The following HMBOX1 variants were observed in gnomAD, a reference collection of about 807,000 sequenced individuals.
HMBOX1 encodes homeobox containing 1.
Under a neutral mutation model 54.5 loss-of-function variants are expected in HMBOX1, and 14 were observed. The observed-to-expected ratio is 0.26, with a 90% CI of 0.17 to 0.40. HMBOX1 has a LOEUF of 0.40. Among genes scored for constraint, HMBOX1 ranks in the 10% least tolerant of loss-of-function variants. The probability of loss-of-function intolerance (pLI) is 1.00; values close to 1 mark genes in which losing one functional copy is unlikely to be tolerated. For synonymous variants in HMBOX1, 160 were observed against 181.0 expected, an observed-to-expected ratio of 0.88 and a Z score of 0.93; for missense variants, 332 against 514.4, an observed-to-expected ratio of 0.65 and a Z score of 3.43.
intron 1 of HMBOX1, among the ~76,000 whole-genome samples, chr8:28,916,352 C>A (rs967795532): frequency 6.6e-6 from 1 of 152,156 alleles, no homozygotes; most frequent in Non-Finnish European, 1.5e-5. Context: ...TCAGGAATTA[C>A]CCATGGGATA....
rs143598204 is a variant in HMBOX1, at chr8:28,914,413, T to A, written c.-58+23735T>A. Among the ~76,000 whole-genome samples, 5 of 152,326 alleles carry A rather than the reference T, an allele frequency of 3.3e-5. No individual in the cohort carries two copies. The East Asian group carries it at 9.6e-4, about 29-fold the overall frequency. On this transcript the variant is annotated intron_variant, in intron 1 of 9. Coordinates refer to ENST00000287701, the MANE Select transcript of HMBOX1 (RefSeq NM_001135726.3). ...AATAGATACCCCATCTATTAAAGAA[T>A]GGCCAGTGGGAAATTTAACATACTA...
intron 1 of HMBOX1, among the ~76,000 whole-genome samples, chr8:28,945,450 AT>A (rs1336486825): frequency 8.5e-5 from 13 of 152,372 alleles, no homozygotes; most frequent in African/African-American, 3.1e-4. Flanking sequence ...TTTGTTAACT[AT>A]GTATAACAAG....
At chr8:28,922,657 A>T (rs1331114400) in intron 1 of HMBOX1, among the ~76,000 whole-genome samples, 2 of 152,204 alleles carry the variant, frequency 1.3e-5, no homozygotes, top group African/African-American at 4.8e-5. Flanking sequence ...ACCTCTAGTT[A>T]ACTCACCAGG....
At chr8:29,033,137 C>G (rs773560064) in intron 6 of HMBOX1, among the ~76,000 whole-genome samples, 1 of 152,098 alleles carries the variant, frequency 6.6e-6, no homozygotes, top group Non-Finnish European at 1.5e-5. Context: ...ACTCTGCCCT[C>G]CCTTAGGCTG....
In HMBOX1 at chr8:28,903,556, G is replaced by A. The variant is rs73554882; in HGVS notation, c.-58+12878G>A. On this transcript the variant is annotated intron_variant, in intron 1 of 9. Transcript: ENST00000287701. ...GCTCCAACCTCCTCAATAATCCTGT[G>A]CTTCTGTCTTGATCTCAGCAAAAGA... is the stretch of plus-strand genomic sequence containing the variant. 1.7e-3 allele frequency among the ~76,000 whole-genome samples: 251 copies of A among 151,692 alleles called. 1 individual carries two copies. Among genetic ancestry groups the A allele is most frequent in the African/African-American group, 5.8e-3 (239 of 41,304 alleles).
chr8:28,939,288 T>TAA (rs781363581), intron 1 of HMBOX1, among the ~76,000 whole-genome samples: 1 of 130,340 alleles, frequency 7.7e-6, no homozygotes, highest in East Asian at 2.2e-4. Context: ...AAACTCCGTC[T>TAA]AAAAAAAAAA....
chr8:29,024,266 A>G (rs900859012), intron 6 of HMBOX1, among the ~76,000 whole-genome samples: 3 of 152,238 alleles, frequency 2.0e-5, no homozygotes, highest in Non-Finnish European at 4.4e-5. Context: ...TTTTGGGTGC[A>G]TTCAGATGAG....
intron 1 of HMBOX1, among the ~76,000 whole-genome samples, chr8:28,948,345 T>C (rs1004169156): frequency 6.6e-6 from 1 of 152,044 alleles, no homozygotes; most frequent in African/African-American, 2.4e-5. Context: ...TAGTAAATAT[T>C]TGCTGAGTGC....
At chr8:28,978,172 C>T (rs1307801105) in intron 3 of HMBOX1, among the ~76,000 whole-genome samples, 1 of 151,938 alleles carries the variant, frequency 6.6e-6, no homozygotes, top group African/African-American at 2.4e-5. Context: ...TGTTTTTTTC[C>T]AGAATTCCCC....
intron 6 of HMBOX1, among the ~76,000 whole-genome samples, chr8:29,025,715 C>T (rs192105705): frequency 6.6e-6 from 1 of 152,254 alleles, no homozygotes; most frequent in East Asian, 1.9e-4. Context: ...TGTGAATAAA[C>T]TCTGGTTAAA....
At chr8:28,953,232 T>C (rs979798596) in intron 1 of HMBOX1, among the ~76,000 whole-genome samples, 2 of 152,248 alleles carry the variant, frequency 1.3e-5, no homozygotes, top group Admixed American at 6.5e-5. Context: ...TTCCTGTTTC[T>C]ATGGTATGTG....
At chr8:28,943,678 A>G (rs959941958) in intron 1 of HMBOX1, among the ~76,000 whole-genome samples, 2 of 152,206 alleles carry the variant, frequency 1.3e-5, no homozygotes, top group African/African-American at 2.4e-5. Flanking sequence ...AACACTTTTC[A>G]TAGAGACATA....
At chr8:28,984,596 A>T (rs1004202851) in intron 4 of HMBOX1, among the ~76,000 whole-genome samples, 2 of 152,222 alleles carry the variant, frequency 1.3e-5, no homozygotes, top group Non-Finnish European at 1.5e-5. Flanking sequence ...CTTCTTTCAC[A>T]GTCGCAGCTG....
chr8:28,947,837 G>A (rs1259786011), intron 1 of HMBOX1, among the ~76,000 whole-genome samples: 1 of 152,042 alleles, frequency 6.6e-6, no homozygotes, highest in East Asian at 1.9e-4. Context: ...TTGTCTTCGT[G>A]CAGTTTCTTT....
intron 3 of HMBOX1, among the ~76,000 whole-genome samples, chr8:28,974,591 A>G (rs1828062788): frequency 6.6e-6 from 1 of 152,174 alleles, no homozygotes; most frequent in African/African-American, 2.4e-5. Flanking sequence ...TAGGCTAAGT[A>G]TTTTACTTGC....
At chr8:29,007,966 C>G (rs1833702948) in intron 4 of HMBOX1, among the ~76,000 whole-genome samples, 1 of 151,964 alleles carries the variant, frequency 6.6e-6, no homozygotes, top group African/African-American at 2.4e-5. Flanking sequence ...AAATGTGATC[C>G]CAGGACCTCC....
intron 1 of HMBOX1, among the ~76,000 whole-genome samples, chr8:28,948,720 T>A (rs1286812141): frequency 6.6e-6 from 1 of 152,220 alleles, no homozygotes; most frequent in Non-Finnish European, 1.5e-5. Context: ...TTTTTTCATC[T>A]ATAAATTGAT....
At chr8:28,937,511 C>T (rs1820617341) in intron 1 of HMBOX1, among the ~76,000 whole-genome samples, 1 of 152,112 alleles carries the variant, frequency 6.6e-6, no homozygotes, top group African/African-American at 2.4e-5. Flanking sequence ...AAATAGAGTG[C>T]AACCCAACAC....
At chr8:29,015,746 G>C (rs1176203687) in intron 5 of HMBOX1, among the ~76,000 whole-genome samples, 2 of 152,208 alleles carry the variant, frequency 1.3e-5, no homozygotes, top group South Asian at 2.1e-4. Flanking sequence ...TTTAAACCAG[G>C]GGTTGGCAAA....
Sources: gnomAD v4.1 joint callset for allele counts (sites outside exome capture counted in the v4.1 genomes callset) on GRCh38, gnomAD v4.1.1 for gene constraint, MANE v1.5 for transcripts, NCBI Gene and HGNC (gene_info 2026-07-23, HGNC 2026-07-21) for gene names.